DAB1: variants seen among roughly 807,000 people sequenced by gnomAD.
DAB1 encodes the protein DAB adaptor protein 1, also known as disabled homolog 1.
In DAB1, 15 loss-of-function variants were observed where a neutral mutation model predicts 64.6. That is an observed-to-expected ratio of 0.23 (90% CI 0.16 to 0.36). The LOEUF (loss-of-function observed/expected upper bound fraction) is 0.36. Ranked by LOEUF, DAB1 falls within the 10% of genes least tolerant of loss-of-function variation. The pLI is 1.00. For synonymous variants in DAB1, 235 were observed against 251.9 expected, an observed-to-expected ratio of 0.93 and a Z score of 0.64; for missense variants, 596 against 706.7, an observed-to-expected ratio of 0.84 and a Z score of 1.78.
chr1:57,638,003 T>A (rs1433564935), intron 7 of DAB1, among the ~76,000 whole-genome samples: 2 of 152,220 alleles, frequency 1.3e-5, no homozygotes, highest in Non-Finnish European at 2.9e-5. Flanking sequence ...GAAACACTTT[T>A]GGCATGGGTA....
intron 2 of DAB1, among the ~76,000 whole-genome samples, chr1:57,151,783 T>C (rs1210937893): frequency 2.0e-5 from 3 of 151,608 alleles, no homozygotes; most frequent in Non-Finnish European, 4.4e-5. Flanking sequence ...CTTAAAAACC[T>C]GAAAATTTCT....
intron 5 of DAB1, among the ~76,000 whole-genome samples, chr1:58,080,937 C>G (rs568764770): frequency 3.2e-4 from 48 of 152,154 alleles, no homozygotes; most frequent in Non-Finnish European, 5.1e-4. Flanking sequence ...ACTAGGAGAC[C>G]AAACACTAGC....
intron 8 of DAB1, among the ~76,000 whole-genome samples, chr1:57,063,510 G>T (rs1479095684): frequency 6.6e-6 from 1 of 152,148 alleles, no homozygotes; most frequent in Non-Finnish European, 1.5e-5. Flanking sequence ...GGCCTAGTAC[G>T]CAGAAGATCT....
chr1:57,999,869 G>A (rs1057317080), intron 5 of DAB1, among the ~76,000 whole-genome samples: 4 of 150,460 alleles, frequency 2.7e-5, no homozygotes, highest in African/African-American at 9.8e-5. Flanking sequence ...AATGAAGGGA[G>A]AGAAAGAAAG....
At chr1:58,050,655 G>A (rs766524829) in intron 5 of DAB1, among the ~76,000 whole-genome samples, 2 of 151,936 alleles carry the variant, frequency 1.3e-5, no homozygotes, top group Admixed American at 6.6e-5. Context: ...TCAGCCTCCC[G>A]AGCAGCTGGG....
chr1:58,190,449 A>T (rs1657324286), intron 4 of DAB1, among the ~76,000 whole-genome samples: 1 of 152,104 alleles, frequency 6.6e-6, no homozygotes, highest in Admixed American at 6.5e-5. Context: ...TTACACTCTG[A>T]CTAGTTTCAT....
chr1:58,147,755 T>G (rs935526517), intron 5 of DAB1, among the ~76,000 whole-genome samples: 2 of 152,214 alleles, frequency 1.3e-5, no homozygotes, highest in Non-Finnish European at 2.9e-5. Context: ...GCTTACTATG[T>G]GCTAGATATT....
intron 3 of DAB1, among the ~76,000 whole-genome samples, chr1:58,470,328 C>T (rs116533681): frequency 2.9e-4 from 44 of 151,978 alleles, no homozygotes; most frequent in African/African-American, 9.7e-4. Flanking sequence ...TGTGCAGCAC[C>T]GCACCCAGCT....
At chr1:57,006,836 T>C (rs1454736105) in intron 14 of DAB1, among the ~76,000 whole-genome samples, 2 of 152,246 alleles carry the variant, frequency 1.3e-5, no homozygotes, top group African/African-American at 4.8e-5. Flanking sequence ...TTCATACTTA[T>C]GATATTATTT....
In DAB1 at chr1:57,945,903, G is replaced by A. The variant is rs1004706046; in HGVS notation, n.388-61741C>T. Among the ~76,000 whole-genome samples, 14 of 152,120 alleles carry A rather than the reference G, an allele frequency of 9.2e-5. No homozygotes were observed. In the East Asian group the frequency reaches 1.9e-3, roughly 21 times the overall value. On this transcript the variant is annotated intron_variant and non_coding_transcript_variant, in intron 5 of 20. Coordinates refer to the DAB1 transcript ENST00000485760. Reference sequence around the variant, plus strand: ...ACATGGTTGACACTCAATAACTAACGAAAAGACAAATGTTAAATCAGTAAA... The same window carrying A: ...ACATGGTTGACACTCAATAACTAACAAAAAGACAAATGTTAAATCAGTAAA...
At chr1:57,486,734 T>C (rs561539658) in intron 7 of DAB1, among the ~76,000 whole-genome samples, 1 of 151,786 alleles carries the variant, frequency 6.6e-6, no homozygotes, top group South Asian at 2.1e-4. Flanking sequence ...TCAGGTACAA[T>C]AAGAAAAGGA....
intron 3 of DAB1, among the ~76,000 whole-genome samples, chr1:57,141,450 T>C (rs1302507170): frequency 6.6e-6 from 1 of 152,150 alleles, no homozygotes; most frequent in Non-Finnish European, 1.5e-5. Flanking sequence ...GAGACTTTCT[T>C]ATCAATTCTG....
At chr1:58,395,697 C>G (rs1644515581) in intron 3 of DAB1, among the ~76,000 whole-genome samples, 1 of 152,188 alleles carries the variant, frequency 6.6e-6, no homozygotes, top group Non-Finnish European at 1.5e-5. Flanking sequence ...AGAAAGAAGA[C>G]AGCCAGGCAG....
chr1:58,237,980 T>G (rs947511595), intron 4 of DAB1, among the ~76,000 whole-genome samples: 10 of 152,248 alleles, frequency 6.6e-5, no homozygotes, highest in Non-Finnish European at 1.5e-4. Context: ...TTAGAACTAT[T>G]ATGTTTAACT....
intron 7 of DAB1, among the ~76,000 whole-genome samples, chr1:57,481,838 T>C (rs1270460441): frequency 6.6e-6 from 1 of 150,508 alleles, no homozygotes; most frequent in East Asian, 2.0e-4. Flanking sequence ...AAAGAGATAA[T>C]GTAGGAGGTA....
At chr1:57,829,355 G>A (rs1186651766) in intron 1 of DAB1, among the ~76,000 whole-genome samples, 2 of 152,158 alleles carry the variant, frequency 1.3e-5, no homozygotes, top group East Asian at 1.9e-4. Context: ...CTCAGAGAAC[G>A]TAGCTTTGAT....
At chr1:57,035,651 A>G (rs1049840037) in intron 9 of DAB1, among the ~76,000 whole-genome samples, 1 of 152,102 alleles carries the variant, frequency 6.6e-6, no homozygotes, top group African/African-American at 2.4e-5. Context: ...CAAGTCAATT[A>G]ACCTCAGTTT....
At chr1:57,166,907 T>C (rs1250448040) in intron 2 of DAB1, among the ~76,000 whole-genome samples, 1 of 152,200 alleles carries the variant, frequency 6.6e-6, no homozygotes, top group Non-Finnish European at 1.5e-5. Flanking sequence ...AATGTGCCTG[T>C]CTGACTCCAA....
At chr1:58,169,440 T>C (rs565900275) in intron 4 of DAB1, among the ~76,000 whole-genome samples, 1 of 152,294 alleles carries the variant, frequency 6.6e-6, no homozygotes, top group African/African-American at 2.4e-5. Flanking sequence ...GGCTCACCCT[T>C]AAAATGCATC....
Sources: gnomAD v4.1 joint callset for allele counts (sites outside exome capture counted in the v4.1 genomes callset) on GRCh38, gnomAD v4.1.1 for gene constraint, MANE v1.5 for transcripts, NCBI Gene and HGNC (gene_info 2026-07-23, HGNC 2026-07-21) for gene names.